Variants in SPTBN1 observed in about 807,000 individuals in gnomAD.
SPTBN1 encodes spectrin beta chain, non-erythrocytic 1.
A neutral mutation model predicts 266.4 loss-of-function variants in SPTBN1; 32 were observed. The observed-to-expected ratio is 0.12, with a 90% CI of 0.09 to 0.16. The LOEUF is 0.16. SPTBN1 is among the 10% of genes least tolerant of loss of function. The pLI is 1.00. For synonymous variants in SPTBN1, 1,336 were observed against 1,162.2 expected (o/e 1.15, Z -3.04); for missense variants, 2,296 against 3,067.1 (o/e 0.75, Z 5.94).
intron 2 of SPTBN1, among the ~76,000 whole-genome samples, chr2:54,562,722 G>GTGTGTGTGTGTGTGTGTA (rs1553447730): frequency 2.0e-5 from 3 of 150,250 alleles, no homozygotes; most frequent in African/African-American, 7.4e-5. Flanking sequence ...GTGTGTGTGT[G>GTGTGTGTGTGTGTGTGTA]TGTGTGTGTG....
intron 1 of SPTBN1, among the ~76,000 whole-genome samples, chr2:54,521,483 CTT>C (rs1422890971): frequency 6.6e-6 from 1 of 152,210 alleles, no homozygotes; most frequent in Non-Finnish European, 1.5e-5. Flanking sequence ...ATTCTGGACA[CTT>C]GAGTGAAACA....
At chr2:54,625,824 C>A in intron 11 of SPTBN1, 108 bp from the exon 12 acceptor site, 1 of 1,243,548 alleles carries the variant, frequency 8.0e-7, no homozygotes, top group African/African-American at 1.5e-5. Context: ...CTCCTGACCT[C>A]AAGTGATCTG....
chr2:54,476,135 T>C (rs1667817455), intron 1 of SPTBN1, among the ~76,000 whole-genome samples: 1 of 146,734 alleles, frequency 6.8e-6, no homozygotes, highest in Admixed American at 6.7e-5. Flanking sequence ...AACTCACAGA[T>C]GCGTATTTTC....
rs1213084252 is a variant in SPTBN1 at position 54,644,568 on chromosome 2, C to A, written c.4251C>A (p.Ile1417=). ...DYGKDLTSVN[I]LLKKQQMLEN... Reference sequence around the variant, plus strand: ...GCAAAGACCTGACCAGTGTCAATATCCTGCTGAAAAAGCAACAGGCAAGTG... The same window carrying A: ...GCAAAGACCTGACCAGTGTCAATATACTGCTGAAAAAGCAACAGGCAAGTG... Residue 1417 remains isoleucine, a synonymous_variant, in exon 20 of 36, where the codon ATC becomes ATA. Transcript: ENST00000356805. 1.2e-6 allele frequency: 2 copies of A among 1,604,404 alleles called. No homozygotes were observed. The highest frequency in any genetic ancestry group is 2.7e-5 in the African/African-American group (2 of 74,722).
At chr2:54,606,395 A>G (rs1032038922) in intron 3 of SPTBN1, among the ~76,000 whole-genome samples, 3 of 152,274 alleles carry the variant, frequency 2.0e-5, no homozygotes, top group Admixed American at 6.5e-5. Flanking sequence ...CATCATGAAG[A>G]CACTTTGTTT....
Position 54,520,801 on chromosome 2 carries a change from A to G in SPTBN1, c.-47-5571A>G, listed in dbSNP as rs185913874. 8.5e-5 allele frequency among the ~76,000 whole-genome samples: 13 copies of G among 152,122 alleles called. 1 individual carries two copies. The highest frequency in any genetic ancestry group is 5.2e-4 in the Admixed American group (8 of 15,274). On this transcript the variant is annotated intron_variant, in intron 1 of 35. Coordinates refer to ENST00000356805, the MANE Select transcript of SPTBN1 (RefSeq NM_003128.3). ...TACTGTTTTTATTCATTCAAAAGTTATTTAACGAGCTCCTACTGTGGTGAG... is the reference window on the plus strand; with the variant it reads ...TACTGTTTTTATTCATTCAAAAGTTGTTTAACGAGCTCCTACTGTGGTGAG...
rs1672996196 is a variant in SPTBN1 at position 54,558,026 on chromosome 2, C to G, written c.148+31460C>G. On this transcript the variant is annotated intron_variant, in intron 2 of 35. Transcript: ENST00000356805. The surrounding 1 kb of genome is among the most constrained non-coding windows in gnomAD (Gnocchi z 4.6). Reference sequence around the variant, plus strand: ...GCGCGGGCCCGGGACCCTTGGGGCTCTTCACTCTCCAGGCCGTCCCGTGGG... The same window carrying G: ...GCGCGGGCCCGGGACCCTTGGGGCTGTTCACTCTCCAGGCCGTCCCGTGGG... 2 of 985,292 alleles carry G rather than the reference C, an allele frequency of 2.0e-6. No individual in the cohort carries two copies. Among genetic ancestry groups the G allele is most frequent in the African/African-American group, 1.7e-5 (1 of 57,224 alleles). 61.0% of individuals were successfully genotyped at this position (985,292 alleles called of 1,614,324 possible). A position where few individuals can be genotyped will look rare whatever the true frequency, so the allele number is the denominator to read the frequency against.
intron 2 of SPTBN1, among the ~76,000 whole-genome samples, chr2:54,592,928 T>G (rs532557833): frequency 5.6e-4 from 85 of 152,280 alleles, no homozygotes; most frequent in Middle Eastern, 3.4e-3. Context: ...AACTCTAGCA[T>G]CCCACCTACC....
Position 54,632,472 on chromosome 2 carries a change from A to G in SPTBN1, c.3565-94A>G, listed in dbSNP as rs188728429. The G allele has an allele frequency of 4.8e-6, 6 of 1,258,606 alleles. No homozygotes were observed. In the East Asian group the frequency reaches 1.4e-4, roughly 29 times the overall value. 78.0% of individuals were successfully genotyped at this position (1,258,606 alleles called of 1,614,324 possible). A position where few individuals can be genotyped will look rare whatever the true frequency, so the allele number is the denominator to read the frequency against. ...ATTATTTCATGTAAGTGTAATGAAG[A>G]AAGTGTTGTGAACTATGTTGCACGG... is the stretch of plus-strand genomic sequence containing the variant. On this transcript the variant is annotated intron_variant, in intron 16 of 35. Transcript: ENST00000356805.
chr2:54,601,347 T>C (rs1676485609), intron 3 of SPTBN1, among the ~76,000 whole-genome samples: 1 of 152,168 alleles, frequency 6.6e-6, no homozygotes. Flanking sequence ...GGCTGGAGAT[T>C]TTAAGTCTCT....
intron 2 of SPTBN1, among the ~76,000 whole-genome samples, chr2:54,530,788 C>T (rs1348479722): frequency 3.3e-5 from 5 of 152,146 alleles, no homozygotes; most frequent in Non-Finnish European, 7.3e-5. Flanking sequence ...GCATAGAGCT[C>T]CTAAAACCAA....
chr2:54,501,086 C>T (rs550279509), intron 1 of SPTBN1, among the ~76,000 whole-genome samples: 13 of 152,266 alleles, frequency 8.5e-5, no homozygotes, highest in South Asian at 4.1e-4. Context: ...ACAGATCTCT[C>T]GTGATCTTCT....
chr2:54,659,306 G>T (rs373148832), intron 31 of SPTBN1, 40 bp downstream of exon 31: 40 of 1,590,502 alleles, frequency 2.5e-5, no homozygotes, highest in Non-Finnish European at 3.4e-5. Flanking sequence ...CCTTAGCCTC[G>T]GTGGCCAATG....
intron 1 of SPTBN1, among the ~76,000 whole-genome samples, chr2:54,464,521 A>T (rs1390612207): frequency 1.3e-5 from 2 of 152,200 alleles, no homozygotes; most frequent in Non-Finnish European, 2.9e-5. Context: ...TGGTAGGTTG[A>T]TGGGTGATTT....
chr2:54,534,675 C>T (rs1350769725), intron 2 of SPTBN1, among the ~76,000 whole-genome samples: 2 of 152,214 alleles, frequency 1.3e-5, no homozygotes, highest in African/African-American at 4.8e-5. Flanking sequence ...CCCAGTTTCT[C>T]CCCTGCTTCT....
chr2:54,548,121 C>T, intron 2 of SPTBN1, among the ~76,000 whole-genome samples: 1 of 152,174 alleles, frequency 6.6e-6, no homozygotes, highest in Non-Finnish European at 1.5e-5. Flanking sequence ...CCAGCCAGGG[C>T]AACAGAGCGA....
intron 2 of SPTBN1, among the ~76,000 whole-genome samples, chr2:54,594,203 G>T (rs1166228689): frequency 6.6e-6 from 1 of 151,686 alleles, no homozygotes; most frequent in Non-Finnish European, 1.5e-5. Flanking sequence ...GAGCCAGCCT[G>T]CCTGGAGAGT....
chr2:54,589,513 C>T (rs1470022749), intron 2 of SPTBN1, among the ~76,000 whole-genome samples: 2 of 152,222 alleles, frequency 1.3e-5, no homozygotes, highest in African/African-American at 2.4e-5. Flanking sequence ...GTCGGCCCAT[C>T]AGACAGTTAC....
At chr2:54,599,432 G>T (rs2103688178) in intron 3 of SPTBN1, among the ~76,000 whole-genome samples, 189 bp downstream of exon 3, 1 of 152,340 alleles carries the variant, frequency 6.6e-6, no homozygotes, top group South Asian at 2.1e-4. Flanking sequence ...ATGTTCTTGA[G>T]CTGTAATAAA....
Sources: allele counts gnomAD v4.1 joint callset (sites outside exome capture counted in the v4.1 genomes callset), GRCh38; gene constraint gnomAD v4.1.1; non-coding constraint Gnocchi (gnomAD v3.1); transcripts MANE v1.5; gene names NCBI Gene and HGNC (gene_info 2026-07-23, HGNC 2026-07-21).